The following CATSPERB variants were observed in gnomAD, a reference collection of about 807,000 sequenced individuals.
The protein encoded by CATSPERB is catsper channel auxiliary subunit beta, also known as cation channel sperm-associated auxiliary subunit beta.
In CATSPERB, 93 loss-of-function variants were observed where a neutral mutation model predicts 128.3. The ratio of observed to expected loss-of-function variants is 0.72; its 90% CI spans 0.61 to 0.86. The LOEUF is 0.86. Among genes scored for constraint, CATSPERB ranks in the 40% least tolerant of loss-of-function variants. The pLI is 0.00. For missense variants in CATSPERB, 1,153 were observed against 1,329.5 expected (o/e 0.87, Z 2.06); for synonymous variants, 381 against 448.8 (o/e 0.85, Z 1.91).
At chr14:91,662,406 A>G (rs1382195604) in intron 14 of CATSPERB, among the ~76,000 whole-genome samples, 3 of 152,176 alleles carry the variant, frequency 2.0e-5, no homozygotes, top group East Asian at 3.8e-4. Flanking sequence ...TCATTTCCAT[A>G]TAATAGTTCA....
intron 22 of CATSPERB, chr14:91,604,297 T>C (rs1893660788): frequency 8.4e-6 from 6 of 710,614 alleles, no homozygotes; most frequent in Non-Finnish European, 1.5e-5. Context: ...AACCAGAACA[T>C]GTGGTTTCCA....
intron 22 of CATSPERB, among the ~76,000 whole-genome samples, chr14:91,597,064 T>G (rs1327864103): frequency 6.6e-6 from 1 of 151,764 alleles, no homozygotes; most frequent in East Asian, 1.9e-4. Context: ...TTTTTTTTTT[T>G]TTGTATTTTT....
intron 24 of CATSPERB, among the ~76,000 whole-genome samples, chr14:91,588,414 T>C (rs955381568): frequency 1.3e-5 from 2 of 152,110 alleles, no homozygotes; most frequent in Admixed American, 1.3e-4. Flanking sequence ...TCCAGCCCCA[T>C]GCTCAGGATC....
chr14:91,701,506 G>A (rs956029992), intron 7 of CATSPERB, among the ~76,000 whole-genome samples: 3 of 152,148 alleles, frequency 2.0e-5, no homozygotes, highest in Admixed American at 6.5e-5. Context: ...TGGATAGAGC[G>A]GGATAAAAGT....
At chr14:91,621,981 G>T (rs537332159) in intron 18 of CATSPERB, 44 bp from the exon 19 acceptor site, 2 of 1,342,190 alleles carry the variant, frequency 1.5e-6, no homozygotes, top group Admixed American at 5.0e-5. Context: ...TCAAACATCC[G>T]ATGTTTGCCA....
intron 5 of CATSPERB, among the ~76,000 whole-genome samples, chr14:91,714,667 C>T (rs963573215): frequency 1.3e-5 from 2 of 148,206 alleles, no homozygotes; most frequent in Admixed American, 1.4e-4. Context: ...TCAAGCAATT[C>T]TCCTGCCTCA....
intron 11 of CATSPERB, among the ~76,000 whole-genome samples, chr14:91,681,695 C>T (rs1322800860): frequency 6.6e-6 from 1 of 152,196 alleles, no homozygotes; most frequent in Non-Finnish European, 1.5e-5. Flanking sequence ...ACCCTTTCCA[C>T]CAAGAGTTAA....
chr14:91,679,021 A>G lies in CATSPERB; in HGVS notation c.932-4799T>C, dbSNP rs142631595. On this transcript the variant is annotated intron_variant, in intron 11 of 26. Transcript: ENST00000256343. ...CTCCATTTTCAAAAGTAGTCTAGATAAATGATTAAAAATGAAAAAATCAAG... is the reference window on the plus strand; with the variant it reads ...CTCCATTTTCAAAAGTAGTCTAGATGAATGATTAAAAATGAAAAAATCAAG... Among the ~76,000 whole-genome samples, 26 of 152,328 alleles carry G rather than the reference A, an allele frequency of 1.7e-4. 1 individual carries two copies. Among genetic ancestry groups the G allele is most frequent in the South Asian group, 6.2e-4 (3 of 4,826 alleles).
At chr14:91,653,056 T>C (rs1355554944) in intron 15 of CATSPERB, among the ~76,000 whole-genome samples, 1 of 152,220 alleles carries the variant, frequency 6.6e-6, no homozygotes, top group Admixed American at 6.5e-5. Flanking sequence ...AAACTGCTTT[T>C]GCTGGTGAAC....
At chr14:91,624,397 T>C (rs536566798) in intron 18 of CATSPERB, among the ~76,000 whole-genome samples, 13 of 152,354 alleles carry the variant, frequency 8.5e-5, no homozygotes, top group South Asian at 4.1e-4. Flanking sequence ...GGCAGGAGAA[T>C]TGCTTGAAGC....
At chr14:91,588,842 T>G (rs1191065815) in intron 24 of CATSPERB, among the ~76,000 whole-genome samples, 1 of 152,246 alleles carries the variant, frequency 6.6e-6, no homozygotes, top group East Asian at 1.9e-4. Context: ...TTAGTAGCTT[T>G]ATTTTGCTGG....
At chr14:91,622,133 C>T (rs771798565) in intron 18 of CATSPERB, among the ~76,000 whole-genome samples, 196 bp from the exon 19 acceptor site, 2 of 151,926 alleles carry the variant, frequency 1.3e-5, no homozygotes, top group Non-Finnish European at 2.9e-5. Flanking sequence ...TGCACCTATG[C>T]TTTAATGTTT....
In CATSPERB at chr14:91,702,929, G is replaced by T. The variant is rs113466976; in HGVS notation, c.616+1623C>A. Among the ~76,000 whole-genome samples, 601 of 150,560 alleles carry T rather than the reference G, an allele frequency of 4.0e-3. 5 individuals are homozygous for T. The highest frequency in any genetic ancestry group is 0.014 in the African/African-American group (563 of 41,060). ...CTTGCAACTCCTTTTTTTATTCCTG[G>T]GTACTTTTTGGGATTTCTTACCTTA... On this transcript the variant is annotated intron_variant, in intron 7 of 26. Transcript: ENST00000256343.
chr14:91,725,300 G>T, intron 2 of CATSPERB, 132 bp from the exon 3 acceptor site: 1 of 442,992 alleles, frequency 2.3e-6, no homozygotes. Flanking sequence ...ATTCACTTTA[G>T]GTAAAATTCA....
intron 5 of CATSPERB, among the ~76,000 whole-genome samples, chr14:91,714,376 G>A (rs1473154709): frequency 6.6e-6 from 1 of 151,306 alleles, no homozygotes; most frequent in East Asian, 1.9e-4. Context: ...GATTATCCAT[G>A]TAGAAAATCC....
At chr14:91,711,039 T>C (rs558763749) in intron 5 of CATSPERB, among the ~76,000 whole-genome samples, 7 of 152,264 alleles carry the variant, frequency 4.6e-5, no homozygotes, top group Non-Finnish European at 8.8e-5. Flanking sequence ...AAACCACTGA[T>C]TAGGGGCTCA....
chr14:91,585,618 C>CTTT (rs1893284187), intron 26 of CATSPERB, among the ~76,000 whole-genome samples: 1 of 152,016 alleles, frequency 6.6e-6, no homozygotes, highest in African/African-American at 2.4e-5. Flanking sequence ...AAGTGTTTAC[C>CTTT]TGTACTGCAT....
intron 14 of CATSPERB, among the ~76,000 whole-genome samples, chr14:91,661,524 C>CAT (rs58330624): frequency 0.032 from 4,036 of 126,982 alleles, 102 homozygotes; most frequent in Non-Finnish European, 0.038. Context: ...CAGATGCTAT[C>CAT]ATATATATAT....
At chr14:91,720,967 T>C (rs745724959) in intron 4 of CATSPERB, among the ~76,000 whole-genome samples, 1 of 152,134 alleles carries the variant, frequency 6.6e-6, no homozygotes, top group Non-Finnish European at 1.5e-5. Context: ...GCCAAAACAA[T>C]TCAATAGAAG....
Sources: allele counts gnomAD v4.1 joint callset (sites outside exome capture counted in the v4.1 genomes callset), GRCh38; gene constraint gnomAD v4.1.1; transcripts MANE v1.5; gene names NCBI Gene and HGNC (gene_info 2026-07-23, HGNC 2026-07-21).